MARCO: variants seen among roughly 807,000 people sequenced by gnomAD.
MARCO encodes macrophage receptor with collagenous structure.
A neutral mutation model predicts 70.0 loss-of-function variants in MARCO; 72 were observed. That is an observed-to-expected ratio of 1.03 (90% CI 0.85 to 1.25). MARCO has a LOEUF of 1.25. MARCO is among the 50% of genes most tolerant of loss of function. The pLI, the probability that MARCO is intolerant of heterozygous loss-of-function variation, is 0.00. For missense variants in MARCO, 696 were observed against 659.3 expected (o/e 1.06, Z -0.61); for synonymous variants, 273 against 243.1 (o/e 1.12, Z -1.14).
chr2:118,970,228 A>C lies in MARCO; in HGVS notation c.314A>C (p.His105Pro). The C allele has an allele frequency of 6.2e-7, 1 of 1,613,990 alleles. No homozygotes were observed. The highest frequency in any genetic ancestry group is 8.5e-7 in the Non-Finnish European group (1 of 1,179,964). Residue 105 changes from histidine to proline, a missense_variant, in exon 3 of 17, where the codon CAC becomes CCC. Coordinates refer to ENST00000327097, the MANE Select transcript of MARCO (RefSeq NM_006770.4). ...CTGCAGTCAGCACACCCTGGAGAACACCTGGCTCAGGGTGCATCGAGGCTG... is the reference window on the plus strand; with the variant it reads ...CTGCAGTCAGCACACCCTGGAGAACCCCTGGCTCAGGGTGCATCGAGGCTG... ...SLLQSAHPGE[H>P]LAQGASRLQV... is the part of the protein sequence containing the mutation.
intron 6 of MARCO, among the ~76,000 whole-genome samples, chr2:118,975,367 G>T (rs1331674006): frequency 6.6e-6 from 1 of 152,208 alleles, no homozygotes; most frequent in Non-Finnish European, 1.5e-5. Context: ...ATTTACAAGG[G>T]AGTGGGGAGT....
intron 4 of MARCO, among the ~76,000 whole-genome samples, 181 bp from the exon 5 acceptor site, chr2:118,974,152 G>A (rs1680228704): frequency 6.6e-6 from 1 of 152,210 alleles, no homozygotes; most frequent in South Asian, 2.1e-4. Context: ...TCTCTCTTTT[G>A]CTTTCTAGGC....
intron 4 of MARCO, among the ~76,000 whole-genome samples, chr2:118,973,662 G>T: frequency 6.6e-6 from 1 of 152,138 alleles, no homozygotes; most frequent in Non-Finnish European, 1.5e-5. Flanking sequence ...AGGAGGGCTG[G>T]GTGTGGAACC....
At chr2:118,992,315 A>T (rs553169891) in intron 14 of MARCO, 117 bp from the exon 15 acceptor site, 8 of 763,370 alleles carry the variant, frequency 1.0e-5, no homozygotes, top group African/African-American at 1.0e-4. Flanking sequence ...CACAGGCGAG[A>T]CCCACGGAGC....
chr2:118,947,323 G>C (rs1473361725), intron 1 of MARCO, among the ~76,000 whole-genome samples: 3 of 152,040 alleles, frequency 2.0e-5, no homozygotes, highest in Non-Finnish European at 4.4e-5. Flanking sequence ...TTAGAGACAA[G>C]ATCTCACTAT....
In MARCO at chr2:118,977,532, C is replaced by G. The variant is rs762693606; in HGVS notation, c.658+17C>G. The G allele has an allele frequency of 5.0e-6, 8 of 1,612,418 alleles. No homozygotes were observed. In the East Asian group the frequency reaches 1.8e-4, roughly 36 times the overall value. ...GAGCCACTGGTAACTTGTACTTGCT[C>G]TGCTAGGGACAAATGATGCATAGCC... On this transcript the variant is annotated intron_variant, in intron 7 of 16. Coordinates refer to ENST00000327097, the MANE Select transcript of MARCO (RefSeq NM_006770.4).
intron 12 of MARCO, among the ~76,000 whole-genome samples, chr2:118,987,317 T>C (rs1680536413): frequency 1.3e-5 from 2 of 152,180 alleles, no homozygotes; most frequent in African/African-American, 4.8e-5. Flanking sequence ...CTCCCTCTAC[T>C]CTGCAGGAGC....
intron 3 of MARCO, 26 bp downstream of exon 3, chr2:118,970,364 G>T: frequency 6.5e-7 from 1 of 1,549,410 alleles, no homozygotes; most frequent in East Asian, 2.3e-5. Flanking sequence ...CTCTGGGTCA[G>T]GACTTCTCAA....
intron 14 of MARCO, 77 bp from the exon 15 acceptor site, chr2:118,992,355 C>T: frequency 3.3e-6 from 4 of 1,221,574 alleles, no homozygotes. Context: ...TCCACCCGCT[C>T]CCCACTCATG....
At chr2:118,944,833 C>T (rs1679565774) in intron 1 of MARCO, 1 of 152,140 alleles carries the variant, frequency 6.6e-6, no homozygotes, top group South Asian at 2.1e-4. Context: ...TCTAGAAGCA[C>T]AGTGCAACTT....
intron 12 of MARCO, among the ~76,000 whole-genome samples, chr2:118,985,256 G>A (rs1402593993): frequency 1.3e-5 from 2 of 152,078 alleles, no homozygotes; most frequent in Non-Finnish European, 2.9e-5. Context: ...CGGTTTTATG[G>A]AAGAACGTAG....
rs58644031 is a variant in MARCO, at chr2:118,975,764, A to T, written c.613+1199A>T. On this transcript the variant is annotated intron_variant, in intron 6 of 16. Transcript: ENST00000327097. Reference sequence around the variant, plus strand: ...CACATACACACATATACTCATGCACATATATGCACTCACATACACGCATAT... The same window carrying T: ...CACATACACACATATACTCATGCACTTATATGCACTCACATACACGCATAT... Among the ~76,000 whole-genome samples the T allele has an allele frequency of 5.4e-3, 828 of 152,294 alleles. 11 individuals carry two copies. Among genetic ancestry groups the T allele is most frequent in the African/African-American group, 0.019 (781 of 41,564 alleles).
In MARCO at chr2:118,942,283, C is replaced by T. The variant is rs779235819; in HGVS notation, c.-18C>T. ...TTTCTGCTGGCTCCAGGACTTTGGC[C>T]ATCTATAAAGCTTGGCAATGAGAAA... On this transcript the variant is annotated 5_prime_UTR_variant, in exon 1 of 17. Transcript: ENST00000327097. 1 of 1,573,686 alleles carries T rather than the reference C, an allele frequency of 6.4e-7. No individual in the cohort carries two copies. Among genetic ancestry groups the T allele is most frequent in the Non-Finnish European group, 8.7e-7 (1 of 1,143,858 alleles).
intron 1 of MARCO, among the ~76,000 whole-genome samples, chr2:118,959,958 G>A (rs1209553750): frequency 1.3e-5 from 2 of 151,970 alleles, no homozygotes. Flanking sequence ...GACTTGGAGG[G>A]AAGAGTGGGA....
chr2:118,943,073 T>C (rs1304681759), intron 1 of MARCO, among the ~76,000 whole-genome samples: 3 of 152,232 alleles, frequency 2.0e-5, no homozygotes, highest in Non-Finnish European at 4.4e-5. Flanking sequence ...TCTGATTTCC[T>C]AGTCTAGAAC....
intron 12 of MARCO, among the ~76,000 whole-genome samples, chr2:118,987,910 A>G (rs940399857): frequency 1.3e-5 from 2 of 152,234 alleles, no homozygotes; most frequent in African/African-American, 4.8e-5. Flanking sequence ...GCGTAGACCA[A>G]GTGAAACTCC....
chr2:118,993,217 A>G lies in MARCO; in HGVS notation c.1346A>G (p.Asp449Gly). 6.2e-7 allele frequency: 1 copy of G among 1,614,126 alleles called. No individual in the cohort carries two copies. The highest frequency in any genetic ancestry group is 8.5e-7 in the Non-Finnish European group (1 of 1,180,020). ...GGTACCTGGGGGACAATTTGCGATG[A>G]CGAGTGGCAAAATTCTGATGCCATT... ...YSGTWGTICD[D>G]EWQNSDAIVF... The change falls in exon 16 of 17, where the codon GAC becomes GGC. Residue 449 changes from aspartate to glycine, a missense_variant. Physicochemically the swap from Asp to Gly is moderately conservative, Grantham distance 94 (BLOSUM62 -1). Transcript: ENST00000327097.
chr2:118,960,019 G>C (rs1016523509), intron 1 of MARCO, among the ~76,000 whole-genome samples: 8 of 151,630 alleles, frequency 5.3e-5, no homozygotes, highest in African/African-American at 1.7e-4. Flanking sequence ...ATACTGCTTG[G>C]GTGATGGGTG....
chr2:118,945,371 C>T (rs1040932179), intron 1 of MARCO, among the ~76,000 whole-genome samples: 1 of 150,362 alleles, frequency 6.7e-6, no homozygotes, highest in African/African-American at 2.4e-5. Flanking sequence ...ACTTGTTAGG[C>T]TGTGCAATGT....
Sources: allele counts gnomAD v4.1 joint callset (sites outside exome capture counted in the v4.1 genomes callset), GRCh38; gene constraint gnomAD v4.1.1; transcripts MANE v1.5; gene names NCBI Gene and HGNC (gene_info 2026-07-23, HGNC 2026-07-21).